The following SYT17 variants were observed in gnomAD, a reference collection of about 807,000 sequenced individuals.
SYT17 encodes synaptotagmin 17.
A neutral mutation model predicts 46.7 loss-of-function variants in SYT17; 22 were observed. The ratio of observed to expected loss-of-function variants is 0.47; its 90% confidence interval spans 0.34 to 0.67. SYT17 has a LOEUF of 0.67. SYT17 is among the 30% of genes least tolerant of loss of function. SYT17 has a pLI of 0.01. For synonymous variants in SYT17, 251 were observed against 248.4 expected (o/e 1.01, Z -0.10); for missense variants, 519 against 612.8 (o/e 0.85, Z 1.62).
chr16:19,180,985 C>G (rs112352482), intron 4 of SYT17, among the ~76,000 whole-genome samples: 2,549 of 152,170 alleles, frequency 0.017, 61 homozygotes, highest in African/African-American at 0.058. Flanking sequence ...GCCGCTCTGT[C>G]TGGAGAGTTA....
At chr16:19,204,858 CT>C (rs1478727478) in intron 5 of SYT17, among the ~76,000 whole-genome samples, 1 of 152,064 alleles carries the variant, frequency 6.6e-6, no homozygotes, top group Non-Finnish European at 1.5e-5. Flanking sequence ...CACTCCTACC[CT>C]GGACTGTTGA....
intron 5 of SYT17, among the ~76,000 whole-genome samples, chr16:19,188,377 T>G (rs1567203764): frequency 6.6e-6 from 1 of 151,890 alleles, no homozygotes; most frequent in Non-Finnish European, 1.5e-5. Flanking sequence ...GAAAAACAAC[T>G]AATGGGTACT....
intron 7 of SYT17, among the ~76,000 whole-genome samples, chr16:19,230,448 C>T (rs1356119541): frequency 6.6e-6 from 1 of 151,434 alleles, no homozygotes; most frequent in Non-Finnish European, 1.5e-5. Context: ...GTGATGGTTA[C>T]ACAACACTGT....
chr16:19,204,393 A>AT (rs1318470860), intron 5 of SYT17, among the ~76,000 whole-genome samples: 1 of 151,822 alleles, frequency 6.6e-6, no homozygotes, highest in African/African-American at 2.4e-5. Flanking sequence ...GGCTTGGAGG[A>AT]TTTTTTGGAG....
chr16:19,206,500 C>T (rs1429858026), intron 5 of SYT17, among the ~76,000 whole-genome samples: 15 of 152,112 alleles, frequency 9.9e-5, no homozygotes, highest in Admixed American at 9.8e-4. Context: ...TGTTAGTTTT[C>T]TGGGGCCACT....
At position 19,203,525 on chromosome 16, in the gene SYT17, G is replaced by A. The variant is rs113989531; in HGVS notation, c.951+19378G>A. Among the ~76,000 whole-genome samples, 370 of 152,306 alleles carry A rather than the reference G, an allele frequency of 2.4e-3. 2 individuals carry two copies. Among genetic ancestry groups the A allele is most frequent in the African/African-American group, 8.0e-3 (331 of 41,562 alleles). On this transcript the variant is annotated intron_variant, in intron 5 of 7. Coordinates refer to ENST00000355377, the MANE Select transcript of SYT17 (RefSeq NM_016524.4). Reference sequence around the variant, plus strand: ...ACAGAAGTGATTGGTCAATGTTTCCGCTGTGGTTATTTGTTTATTTAGTCA... The same window carrying A: ...ACAGAAGTGATTGGTCAATGTTTCCACTGTGGTTATTTGTTTATTTAGTCA...
intron 5 of SYT17, among the ~76,000 whole-genome samples, chr16:19,217,246 A>G (rs1966130543): frequency 6.6e-6 from 1 of 152,176 alleles, no homozygotes; most frequent in Non-Finnish European, 1.5e-5. Context: ...GTAAATTCTC[A>G]GTGGTGTGCA....
At position 19,209,894 on chromosome 16, in the gene SYT17, AAACAAAAAC is replaced by A. The variant is rs201512657; in HGVS notation, c.952-13145_952-13137del. Among the ~76,000 whole-genome samples, 623 of 81,030 alleles carry A rather than the reference AAACAAAAAC, an allele frequency of 7.7e-3. 3 individuals carry two copies. The highest frequency in any genetic ancestry group is 0.048 in the African/African-American group (588 of 12,162). 53.2% of individuals were successfully genotyped at this position (81,030 alleles called of 152,430 possible). A position where few individuals can be genotyped will look rare whatever the true frequency, so the allele number is the denominator to read the frequency against. On this transcript the variant is annotated intron_variant, in intron 5 of 7. Transcript: ENST00000355377. ...CTCTGTCTCAAAACAAAACAAAACAAAACAAAAACAACAACAACAACAACAAAAAACCCT... is the reference window on the plus strand; with the variant it reads ...CTCTGTCTCAAAACAAAACAAAACAAAACAACAACAACAACAAAAAACCCT...
chr16:19,186,573 T>C (rs973450527), intron 5 of SYT17, among the ~76,000 whole-genome samples: 3 of 152,250 alleles, frequency 2.0e-5, no homozygotes, highest in Non-Finnish European at 4.4e-5. Context: ...TATACTCTGG[T>C]CCGTCACACT....
Position 19,220,303 on chromosome 16 carries a change from C to CTTTTTTTTTTTTTTTTTTTT in SYT17, c.952-2725_952-2724insTTTTTTTTTTTTTTTTTTTT, listed in dbSNP as rs1555459738. Among the ~76,000 whole-genome samples, 12 of 80,514 alleles carry CTTTTTTTTTTTTTTTTTTTT rather than the reference C, an allele frequency of 1.5e-4. 1 individual carries two copies. Among genetic ancestry groups the CTTTTTTTTTTTTTTTTTTTT allele is most frequent in the African/African-American group, 5.5e-4 (11 of 19,856 alleles). 52.8% of individuals were successfully genotyped at this position (80,514 alleles called of 152,430 possible). On this transcript the variant is annotated intron_variant, in intron 5 of 7. Coordinates refer to ENST00000355377, the MANE Select transcript of SYT17 (RefSeq NM_016524.4). ...TTCAATGACATTTCTTTCTTTCTTTCTTTTTTTTTTTTTTTTTGAGATGAA... is the reference window on the plus strand; with the variant it reads ...TTCAATGACATTTCTTTCTTTCTTTCTTTTTTTTTTTTTTTTTTTTTTTTTTTTTTTTTTTTTGAGATGAA...
intron 7 of SYT17, among the ~76,000 whole-genome samples, chr16:19,250,458 T>A (rs1490051716): frequency 6.6e-6 from 1 of 151,232 alleles, no homozygotes; most frequent in Non-Finnish European, 1.5e-5. Context: ...GGTGCCATCA[T>A]GGCTCACTGC....
intron 7 of SYT17, among the ~76,000 whole-genome samples, chr16:19,233,520 G>A (rs1368365210): frequency 2.6e-5 from 4 of 151,994 alleles, no homozygotes; most frequent in Admixed American, 6.6e-5. Context: ...GCTGGGCATG[G>A]TGGTGCATGT....
At chr16:19,196,282 G>C (rs1965240330) in intron 5 of SYT17, among the ~76,000 whole-genome samples, 1 of 148,064 alleles carries the variant, frequency 6.8e-6, no homozygotes, top group African/African-American at 2.5e-5. Flanking sequence ...TTGCTCTGTT[G>C]CCCACGCTGG....
rs367828563 is a variant in SYT17 at position 19,183,596 on chromosome 16, G to A, written c.400G>A (p.Ala134Thr). ...IKPIEFGVLS[A>T]KKEPIQPSVL... ...ACCCATCGAGTTTGGCGTTCTCAGCGCCAAGAAGGAGCCCATCCAACCTTC... is the reference window on the plus strand; with the variant it reads ...ACCCATCGAGTTTGGCGTTCTCAGCACCAAGAAGGAGCCCATCCAACCTTC... Residue 134 changes from alanine (A) to threonine (T), a missense_variant, in exon 5 of 8, where the codon GCC (alanine) becomes ACC (threonine). By Grantham distance (58) the Ala-to-Thr change is moderately conservative. Coordinates refer to ENST00000355377, the MANE Select transcript of SYT17 (RefSeq NM_016524.4). This position sits in a 1 kb window ranked among gnomAD's most constrained non-coding sequence, Gnocchi z 5.6. 48 of 1,614,116 alleles carry A rather than the reference G, an allele frequency of 3.0e-5. No homozygotes were observed. Among genetic ancestry groups the A allele is most frequent in the South Asian group, 7.7e-5 (7 of 91,076 alleles).
At chr16:19,182,431 T>C (rs1287963017) in intron 4 of SYT17, among the ~76,000 whole-genome samples, 1 of 152,178 alleles carries the variant, frequency 6.6e-6, no homozygotes, top group Non-Finnish European at 1.5e-5. Context: ...ATAAATAAAA[T>C]TAAATGAATT....
intron 1 of SYT17, chr16:19,171,289 TATGATGATGATGATGATGATG>T (rs66740634): frequency 9.3e-6 from 1 of 107,598 alleles, no homozygotes; most frequent in Non-Finnish European, 1.9e-5. Flanking sequence ...CCACCTATAC[TATGATGATGATGATGATGATG>T]ATGATGATGA....
At chr16:19,203,172 C>T (rs1965531423) in intron 5 of SYT17, among the ~76,000 whole-genome samples, 1 of 152,076 alleles carries the variant, frequency 6.6e-6, no homozygotes, top group South Asian at 2.1e-4. Flanking sequence ...CATAGGGTTG[C>T]TGTGAAGATT....
At chr16:19,198,600 C>G (rs892566681) in intron 5 of SYT17, among the ~76,000 whole-genome samples, 1 of 152,208 alleles carries the variant, frequency 6.6e-6, no homozygotes, top group African/African-American at 2.4e-5. Context: ...GAGTAACTTA[C>G]CCAAGGCCAT....
At chr16:19,263,977 G>A (rs1183934841) in intron 7 of SYT17, among the ~76,000 whole-genome samples, 4 of 152,264 alleles carry the variant, frequency 2.6e-5, no homozygotes, top group South Asian at 4.1e-4. Context: ...ATTAGGAGGC[G>A]GGACCTTTGG....
Sources: allele counts gnomAD v4.1 joint callset (sites outside exome capture counted in the v4.1 genomes callset), GRCh38; gene constraint gnomAD v4.1.1; non-coding constraint Gnocchi (gnomAD v3.1); transcripts MANE v1.5; gene names NCBI Gene and HGNC (gene_info 2026-07-23, HGNC 2026-07-21).